The following LRRTM4 variants were observed in gnomAD, a reference collection of about 807,000 sequenced individuals.
LRRTM4 encodes leucine-rich repeat transmembrane neuronal protein 4.
LRRTM4 carries 25 observed loss-of-function variants against 47.6 expected under a neutral mutation model. The ratio of observed to expected loss-of-function variants is 0.53; its 90% CI spans 0.38 to 0.73. The LOEUF is 0.73. LRRTM4 is among the 30% of genes least tolerant of loss of function. The probability of loss-of-function intolerance (pLI) is 0.00; values close to 1 mark genes in which losing one functional copy is unlikely to be tolerated. For synonymous variants in LRRTM4, 311 were observed against 269.5 expected, an observed-to-expected ratio of 1.15 and a Z score of -1.51; for missense variants, 638 against 713.4, an observed-to-expected ratio of 0.89 and a Z score of 1.20.
chr2:76,916,006 T>G (rs2103793785), intron 3 of LRRTM4, among the ~76,000 whole-genome samples: 1 of 152,004 alleles, frequency 6.6e-6, no homozygotes, highest in Middle Eastern at 3.4e-3. Context: ...TCAGCACATT[T>G]GAAGATAAAC....
chr2:77,335,253 A>C (rs964717180), intron 3 of LRRTM4, among the ~76,000 whole-genome samples: 5 of 152,194 alleles, frequency 3.3e-5, no homozygotes, highest in African/African-American at 1.2e-4. Flanking sequence ...TTAAGCATAA[A>C]AATTATTAGC....
chr2:77,411,451 C>CTTTTT (rs138496739), intron 3 of LRRTM4, among the ~76,000 whole-genome samples: 3 of 116,024 alleles, frequency 2.6e-5, no homozygotes, highest in African/African-American at 3.2e-5. Flanking sequence ...TCTCTTTCTT[C>CTTTTT]TTTTTTTTTT....
chr2:77,008,958 A>G (rs1303179236), intron 3 of LRRTM4: 1 of 151,716 alleles, frequency 6.6e-6, no homozygotes. Context: ...AAAAGAAAAA[A>G]AAAACGATGA....
At chr2:76,902,150 A>G (rs1055878952) in intron 3 of LRRTM4, among the ~76,000 whole-genome samples, 1 of 152,122 alleles carries the variant, frequency 6.6e-6, no homozygotes, top group African/African-American at 2.4e-5. Context: ...CCACTTAACT[A>G]TATCTATTTA....
intron 3 of LRRTM4, among the ~76,000 whole-genome samples, chr2:77,503,988 G>A (rs1678670459): frequency 1.3e-5 from 2 of 151,586 alleles, no homozygotes; most frequent in Admixed American, 1.3e-4. Context: ...AGCAATTGAT[G>A]GAGAAAAGTA....
At chr2:76,873,793 A>T (rs1463392149) in intron 3 of LRRTM4, among the ~76,000 whole-genome samples, 1 of 151,634 alleles carries the variant, frequency 6.6e-6, no homozygotes, top group Non-Finnish European at 1.5e-5. Context: ...AGGTTGATAG[A>T]TTGATATCTC....
At chr2:77,461,805 C>A (rs1676798267) in intron 3 of LRRTM4, among the ~76,000 whole-genome samples, 1 of 152,046 alleles carries the variant, frequency 6.6e-6, no homozygotes, top group Admixed American at 6.6e-5. Flanking sequence ...TTACACTGAG[C>A]AACCAACAGA....
chr2:77,325,007 T>C (rs1201524817), intron 3 of LRRTM4, among the ~76,000 whole-genome samples: 2 of 152,136 alleles, frequency 1.3e-5, no homozygotes. Flanking sequence ...GGACTAGATG[T>C]TATAGTATTC....
chr2:77,503,600 G>T, intron 3 of LRRTM4, among the ~76,000 whole-genome samples: 1 of 151,546 alleles, frequency 6.6e-6, no homozygotes, highest in Non-Finnish European at 1.5e-5. Flanking sequence ...TGTATTCTGT[G>T]TGTGTAAATG....
At chr2:77,159,532 A>G (rs1293666268) in intron 3 of LRRTM4, among the ~76,000 whole-genome samples, 2 of 151,784 alleles carry the variant, frequency 1.3e-5, no homozygotes, top group African/African-American at 2.4e-5. Flanking sequence ...GGAAAAAAAA[A>G]AAAAGAAAAA....
At chr2:76,797,286 C>T (rs1180322658) in intron 3 of LRRTM4, among the ~76,000 whole-genome samples, 1 of 152,006 alleles carries the variant, frequency 6.6e-6, no homozygotes, top group East Asian at 1.9e-4. Flanking sequence ...ACCCTACAAG[C>T]CAGAAGAGAG....
intron 3 of LRRTM4, among the ~76,000 whole-genome samples, chr2:77,131,652 G>A (rs1004280550): frequency 2.6e-5 from 4 of 152,118 alleles, no homozygotes; most frequent in African/African-American, 9.7e-5. Flanking sequence ...CTACTCTGGG[G>A]CTTTACACTA....
chr2:76,971,586 A>C (rs1214708000), intron 3 of LRRTM4, among the ~76,000 whole-genome samples: 1 of 152,064 alleles, frequency 6.6e-6, no homozygotes, highest in Admixed American at 6.6e-5. Flanking sequence ...CCCAAGGAAG[A>C]AATATATATC....
chr2:76,900,185 G>T (rs1673575388), intron 3 of LRRTM4, among the ~76,000 whole-genome samples: 1 of 152,108 alleles, frequency 6.6e-6, no homozygotes, highest in East Asian at 1.9e-4. Context: ...AGTGAGCCAA[G>T]ATCACACCAC....
intron 3 of LRRTM4, among the ~76,000 whole-genome samples, chr2:77,505,466 A>G (rs1453869496): frequency 2.6e-5 from 4 of 151,484 alleles, no homozygotes; most frequent in Admixed American, 2.6e-4. Flanking sequence ...ATTTTTGTTG[A>G]ATAAATCAAC....
chr2:77,236,343 C>T (rs1339292590), intron 3 of LRRTM4, among the ~76,000 whole-genome samples: 2 of 152,140 alleles, frequency 1.3e-5, no homozygotes, highest in African/African-American at 4.8e-5. Flanking sequence ...GGGAATGCCA[C>T]TGATTTTTGT....
At chr2:77,158,274 A>G (rs1291401548) in intron 3 of LRRTM4, among the ~76,000 whole-genome samples, 1 of 152,194 alleles carries the variant, frequency 6.6e-6, no homozygotes, top group South Asian at 2.1e-4. Context: ...GTCAAAAAAT[A>G]TAGAGATTTA....
At chr2:77,331,343 C>A (rs925202124) in intron 3 of LRRTM4, among the ~76,000 whole-genome samples, 2 of 152,092 alleles carry the variant, frequency 1.3e-5, no homozygotes, top group African/African-American at 2.4e-5. Flanking sequence ...CCAAGGGATG[C>A]CATTGTTTGG....
chr2:77,213,400 A>C (rs2103927943), intron 3 of LRRTM4, among the ~76,000 whole-genome samples: 1 of 152,200 alleles, frequency 6.6e-6, no homozygotes, highest in African/African-American at 2.4e-5. Context: ...TATGGGCCTT[A>C]GATTCCTCAT....
Sources: allele counts gnomAD v4.1 joint callset (sites outside exome capture counted in the v4.1 genomes callset), GRCh38; gene constraint gnomAD v4.1.1; transcripts MANE v1.5; gene names NCBI Gene and HGNC (gene_info 2026-07-23, HGNC 2026-07-21).